Variants in PIKFYVE observed in about 807,000 individuals in gnomAD.
PIKFYVE encodes phosphoinositide kinase, FYVE-type zinc finger containing.
PIKFYVE carries 122 observed loss-of-function variants against 257.9 expected under a neutral mutation model. That is an observed-to-expected ratio of 0.47 (90% CI 0.41 to 0.55). The LOEUF (loss-of-function observed/expected upper bound fraction) is 0.55. Ranked by LOEUF, PIKFYVE falls within the 20% of genes least tolerant of loss-of-function variation. The probability of loss-of-function intolerance (pLI) is 0.00; values close to 1 mark genes in which losing one functional copy is unlikely to be tolerated. For missense variants in PIKFYVE, 2,160 were observed against 2,536.6 expected, an observed-to-expected ratio of 0.85 and a Z score of 3.19; for synonymous variants, 892 against 868.9, an observed-to-expected ratio of 1.03 and a Z score of -0.47.
chr2:208,331,611 G>A (rs544315420), intron 23 of PIKFYVE, among the ~76,000 whole-genome samples: 7 of 152,282 alleles, frequency 4.6e-5, no homozygotes, highest in Admixed American at 6.5e-5. Context: ...TCCTGACCTC[G>A]GGTGATCGCC....
chr2:208,276,675 CT>C (rs748060198), intron 3 of PIKFYVE, 36 bp from the exon 4 acceptor site: 1 of 1,440,858 alleles, frequency 6.9e-7, no homozygotes, highest in South Asian at 1.1e-5. Flanking sequence ...ATACTAGGGA[CT>C]GTTAACAAGG....
rs756810295 is a variant in PIKFYVE at position 208,285,910 on chromosome 2, A to G, written c.798A>G (p.Leu266=). ...GSRKASRNIF[L]EDDLAWQSLI... ...GGAAAGCCAGCCGTAACATATTTTT[A>G]GAGGATGATTTGGCCTGGCAAAGGT... Residue 266 remains leucine (L), a synonymous_variant, in exon 6 of 42, where the codon TTA becomes TTG. Coordinates refer to ENST00000264380, the MANE Select transcript of PIKFYVE (RefSeq NM_015040.4). The G allele has an allele frequency of 6.2e-7, 1 of 1,614,170 alleles. No homozygotes were observed. The highest frequency in any genetic ancestry group is 1.1e-5 in the South Asian group (1 of 91,092).
At chr2:208,340,972 G>T (rs1698643998) in intron 31 of PIKFYVE, among the ~76,000 whole-genome samples, 1 of 151,698 alleles carries the variant, frequency 6.6e-6, no homozygotes, top group Admixed American at 6.6e-5. Context: ...TTATGTTATG[G>T]TCTTTGTTCA....
Position 208,339,443 on chromosome 2 carries a change from C to T in PIKFYVE, c.4698C>T (p.Ser1566=). 6.2e-7 allele frequency: 1 copy of T among 1,614,092 alleles called. No individual in the cohort carries two copies. Among genetic ancestry groups the T allele is most frequent in the Non-Finnish European group, 8.5e-7 (1 of 1,179,996 alleles). ...EKEDRFLTTL[S]SQSSTSSTHL... ...AGGATCGCTTCTTAACAACTTTGTC[C>T]AGCCAGAGCTCCACCAGTTCTACTC... Residue 1566 remains serine, a synonymous_variant, in exon 30 of 42, where the codon TCC becomes TCT. Coordinates refer to ENST00000264380, the MANE Select transcript of PIKFYVE (RefSeq NM_015040.4).
At position 208,291,783 on chromosome 2, in the gene PIKFYVE, T is replaced by A. The variant is rs191804999; in HGVS notation, c.911+2965T>A. Among the ~76,000 whole-genome samples the A allele has an allele frequency of 7.9e-3, 1,206 of 152,258 alleles. 10 individuals carry two copies. Among genetic ancestry groups the A allele is most frequent in the Non-Finnish European group, 0.012 (821 of 67,972 alleles). On this transcript the variant is annotated intron_variant, in intron 7 of 41. Transcript: ENST00000264380. ...AAGAACCAGCTTTGGCTTTGTTGAT[T>A]TTCTCTATTGACTTCTTCTCTAATC...
At chr2:208,281,222 A>G (rs551706753) in intron 5 of PIKFYVE, among the ~76,000 whole-genome samples, 80 of 152,304 alleles carry the variant, frequency 5.3e-4, no homozygotes, top group African/African-American at 1.9e-3. Context: ...CTATAATATA[A>G]TAGGGCATTT....
intron 23 of PIKFYVE, among the ~76,000 whole-genome samples, chr2:208,332,008 ACTT>A (rs144133674): frequency 0.011 from 1,742 of 152,270 alleles, 26 homozygotes; most frequent in African/African-American, 0.04. Context: ...TGAAACAAAA[ACTT>A]CTGCTTTTTT....
rs147789704 is a variant in PIKFYVE at position 208,352,665 on chromosome 2, G to T, written c.5727G>T (p.Ala1909=). Residue 1909 remains alanine (A), a synonymous_variant, in exon 39 of 42, where the codon GCG becomes GCT. Coordinates refer to ENST00000264380, the MANE Select transcript of PIKFYVE (RefSeq NM_015040.4). ...TNAVQQKRPT[A]LAKILGVYRI... ...CTTCTCTTGATTAGAGGCCCACGGC[G>T]TTGGCCAAAATTCTTGGAGTTTACA... The T allele has an allele frequency of 4.6e-4, 741 of 1,613,516 alleles. 2 individuals carry two copies. The East Asian group carries it at 0.014, about 30-fold the overall frequency.
chr2:208,330,749 T>TC, intron 23 of PIKFYVE, 55 bp downstream of exon 23: 1 of 810,408 alleles, frequency 1.2e-6, no homozygotes, highest in East Asian at 5.1e-5. Flanking sequence ...TATTTGTATG[T>TC]TTTTTTTTTT....
chr2:208,299,508 T>C (rs1356274300), intron 8 of PIKFYVE, among the ~76,000 whole-genome samples: 1 of 152,064 alleles, frequency 6.6e-6, no homozygotes, highest in Non-Finnish European at 1.5e-5. Flanking sequence ...CAGGATGGTC[T>C]CAATCTCCTG....
intron 7 of PIKFYVE, among the ~76,000 whole-genome samples, chr2:208,294,927 G>A (rs1306664514): frequency 6.6e-6 from 1 of 152,194 alleles, no homozygotes; most frequent in Non-Finnish European, 1.5e-5. Context: ...CTGTGAGGAC[G>A]TGGTAGATCT....
rs776719679 is a variant in PIKFYVE at position 208,302,229 on chromosome 2, G to C, written c.1209-13G>C. On this transcript the variant is annotated splice_polypyrimidine_tract_variant and intron_variant, in intron 9 of 41. Transcript: ENST00000264380. ...ACTTTTAAAACTTTTCATTTTTGTG[G>C]GTCTTGATTCAGGGCACAAGCTATA... 12 of 1,611,704 alleles carry C rather than the reference G, an allele frequency of 7.4e-6. No homozygotes were observed. The highest frequency in any genetic ancestry group is 1.6e-4 in the Middle Eastern group (1 of 6,080).
intron 7 of PIKFYVE, among the ~76,000 whole-genome samples, chr2:208,289,317 A>C (rs1010866269): frequency 6.6e-6 from 1 of 152,264 alleles, no homozygotes; most frequent in Non-Finnish European, 1.5e-5. Context: ...AATGTCAAAC[A>C]TGCAGAAAAG....
In PIKFYVE at chr2:208,277,417, C is replaced by T; in HGVS notation, c.442-120C>T. The T allele has an allele frequency of 2.8e-6, 3 of 1,062,258 alleles. No individual in the cohort carries two copies. In the South Asian group the frequency reaches 4.1e-5, roughly 14 times the overall value. 65.8% of individuals were successfully genotyped at this position (1,062,258 alleles called of 1,614,324 possible). On this transcript the variant is annotated intron_variant, in intron 4 of 41. Transcript: ENST00000264380. ...CTTGGTTATTTTGACCTTTCGTATT[C>T]CCATATGAATTTTTGAATTAGTTTG... is the stretch of plus-strand genomic sequence containing the variant.
chr2:208,348,927 C>G (rs998612540), intron 35 of PIKFYVE, among the ~76,000 whole-genome samples: 2 of 152,072 alleles, frequency 1.3e-5, no homozygotes, highest in Non-Finnish European at 2.9e-5. Flanking sequence ...CTTTGGGAGG[C>G]TGAGGCGGGC....
At chr2:208,305,806 A>G (rs1273396824) in intron 12 of PIKFYVE, among the ~76,000 whole-genome samples, 3 of 152,202 alleles carry the variant, frequency 2.0e-5, no homozygotes, top group African/African-American at 7.2e-5. Flanking sequence ...AAAATACATG[A>G]GTAAATAAAT....
intron 23 of PIKFYVE, among the ~76,000 whole-genome samples, chr2:208,332,660 C>T (rs1406250297): frequency 4.0e-5 from 6 of 151,700 alleles, no homozygotes; most frequent in African/African-American, 9.7e-5. Context: ...AAAATATTCA[C>T]GATATATTGC....
Position 208,330,255 on chromosome 2 carries a change from A to G in PIKFYVE, c.3792-268A>G, listed in dbSNP as rs1866046. Among the ~76,000 whole-genome samples, 16,349 of 152,202 alleles carry G rather than the reference A, an allele frequency of 0.11. 972 individuals carry two copies. Among genetic ancestry groups the G allele is most frequent in the Non-Finnish European group, 0.12 (8,078 of 67,992 alleles). ...ATCATCACTCGCCACTTATATGACAAAGCACTTTACTAGTCCCCTTTATAG... is the reference window on the plus strand; with the variant it reads ...ATCATCACTCGCCACTTATATGACAGAGCACTTTACTAGTCCCCTTTATAG... On this transcript the variant is annotated intron_variant, in intron 22 of 41. Coordinates refer to ENST00000264380, the MANE Select transcript of PIKFYVE (RefSeq NM_015040.4).
rs1406288325 is a variant in PIKFYVE, at chr2:208,340,013, GT to G, written c.4814del (p.Val1605GlyfsTer14). On this transcript the variant is annotated frameshift_variant, in exon 31 of 42. Transcript: ENST00000264380. LOFTEE classifies it high-confidence loss of function. ...ELDTASSSED[V>X]FDGHLLGSTD... ...AAGTAGACTATTTTTCATTTTAGAT[GT>G]GTTTGATGGGCATTTGCTGGGATCC... 6.2e-7 allele frequency: 1 copy of G among 1,612,942 alleles called. No individual in the cohort carries two copies. The highest frequency in any genetic ancestry group is 1.3e-5 in the African/African-American group (1 of 74,904).
Sources: allele counts gnomAD v4.1 joint callset (sites outside exome capture counted in the v4.1 genomes callset), GRCh38; gene constraint gnomAD v4.1.1; transcripts MANE v1.5; gene names NCBI Gene and HGNC (gene_info 2026-07-23, HGNC 2026-07-21).